The following ESR1 variants were observed in gnomAD, a reference collection of about 807,000 sequenced individuals.
ESR1 encodes the protein estrogen receptor 1.
Under a neutral mutation model 52.7 loss-of-function variants are expected in ESR1, and 12 were observed. The observed-to-expected ratio is 0.23, with a 90% CI of 0.15 to 0.37. The LOEUF is 0.37. ESR1 is among the 10% of genes least tolerant of loss of function. The pLI, the probability that ESR1 is intolerant of heterozygous loss-of-function variation, is 1.00. For missense variants in ESR1, 584 were observed against 779.7 expected, an observed-to-expected ratio of 0.75 and a Z score of 2.99; for synonymous variants, 305 against 316.8, an observed-to-expected ratio of 0.96 and a Z score of 0.39.
intron 4 of ESR1, among the ~76,000 whole-genome samples, chr6:151,949,734 C>T (rs748050573): frequency 2.3e-4 from 35 of 152,252 alleles, no homozygotes; most frequent in Non-Finnish European, 3.8e-4. Context: ...TCTGGTGAAA[C>T]GCAAGGAAAG....
intron 6 of ESR1, among the ~76,000 whole-genome samples, chr6:152,119,905 T>G (rs1384991547): frequency 1.3e-5 from 2 of 152,214 alleles, no homozygotes; most frequent in Non-Finnish European, 2.9e-5. Context: ...GTTCAATGTT[T>G]GCACTCACCA....
intron 1 of ESR1, among the ~76,000 whole-genome samples, chr6:151,681,728 T>A (rs777549016): frequency 3.3e-5 from 5 of 152,086 alleles, no homozygotes; most frequent in Admixed American, 1.3e-4. Context: ...GGCCGCCGCT[T>A]CCAAGGGATC....
At position 152,102,133 on chromosome 6, in the gene ESR1, C is replaced by T. The variant is rs1051276133; in HGVS notation, c.*3167C>T. On this transcript the variant is annotated 3_prime_UTR_variant, in exon 8 of 8. Coordinates refer to ENST00000206249, the MANE Select transcript of ESR1 (RefSeq NM_000125.4). ...GTCTTTGATTTGATTTCCCTAGTAA[C>T]CTTGCAGATATGTTTAACCAAGCCA... 3.2e-4 allele frequency: 67 copies of T among 210,684 alleles called. 1 individual carries two copies. Among genetic ancestry groups the T allele is most frequent in the Non-Finnish European group, 2.9e-5 (3 of 103,502 alleles). 13.1% of individuals were successfully genotyped at this position (210,684 alleles called of 1,614,324 possible).
intron 2 of ESR1, among the ~76,000 whole-genome samples, chr6:151,736,968 G>A (rs1463295333): frequency 2.6e-5 from 4 of 152,074 alleles, no homozygotes; most frequent in Non-Finnish European, 5.9e-5. Flanking sequence ...TCATTCAAAG[G>A]TATCTGTTAA....
intron 4 of ESR1, among the ~76,000 whole-genome samples, chr6:151,965,161 A>C (rs931165488): frequency 6.6e-6 from 1 of 152,140 alleles, no homozygotes; most frequent in Non-Finnish European, 1.5e-5. Flanking sequence ...CCCAGTTGCG[A>C]TCATGTATCA....
At chr6:151,794,295 T>C (rs1439683171) in intron 2 of ESR1, among the ~76,000 whole-genome samples, 1 of 152,218 alleles carries the variant, frequency 6.6e-6, no homozygotes, top group Non-Finnish European at 1.5e-5. Context: ...AGTAGTTGTA[T>C]TTATCGATGA....
intron 4 of ESR1, among the ~76,000 whole-genome samples, chr6:151,982,873 C>A (rs759566851): frequency 1.3e-5 from 2 of 151,924 alleles, no homozygotes; most frequent in African/African-American, 2.4e-5. Flanking sequence ...ACTTACAGTG[C>A]ATCTCAATTT....
At chr6:151,795,854 A>C (rs1412148908) in intron 2 of ESR1, among the ~76,000 whole-genome samples, 2 of 152,142 alleles carry the variant, frequency 1.3e-5, no homozygotes, top group African/African-American at 4.8e-5. Context: ...AGTCATCAAA[A>C]ATGACGAAGA....
At chr6:151,702,168 G>A (rs904341282) in intron 2 of ESR1, among the ~76,000 whole-genome samples, 1 of 152,000 alleles carries the variant, frequency 6.6e-6, no homozygotes, top group Admixed American at 6.6e-5. Flanking sequence ...CTATCTGATG[G>A]GCACTCTACA....
rs116874998 is a variant in ESR1 at position 151,790,302 on chromosome 6, G to A, written c.-70-17541G>A. 3.1e-3 allele frequency among the ~76,000 whole-genome samples: 467 copies of A among 152,228 alleles called. 6 individuals are homozygous for A. Among genetic ancestry groups the A allele is most frequent in the East Asian group, 0.029 (149 of 5,180 alleles). ...CGACGACACAGACAGCTTTTCTTGC[G>A]TGCCACCAAAGTGGTGGGCCAGAGT... On this transcript the variant is annotated intron_variant, in intron 2 of 2. Transcript: ENST00000404742.
At chr6:151,956,867 T>TATATATATATAA (rs1562594401) in intron 4 of ESR1, among the ~76,000 whole-genome samples, 2 of 86,072 alleles carry the variant, frequency 2.3e-5, no homozygotes, top group African/African-American at 6.6e-5. Flanking sequence ...TATATAAATA[T>TATATATATATAA]ATATATATAT....
intron 6 of ESR1, among the ~76,000 whole-genome samples, chr6:152,087,444 G>C (rs894753251): frequency 7.2e-5 from 11 of 152,046 alleles, no homozygotes; most frequent in Non-Finnish European, 1.3e-4. Flanking sequence ...TATAACAATA[G>C]GCTACAAAAT....
At chr6:151,866,003 G>T (rs1219102349) in intron 2 of ESR1, among the ~76,000 whole-genome samples, 1 of 152,236 alleles carries the variant, frequency 6.6e-6, no homozygotes, top group Admixed American at 6.5e-5. Context: ...GACTTGAGCT[G>T]TGTGGGTGCC....
At chr6:152,122,200 T>G in intron 6 of ESR1, 1 of 618,440 alleles carries the variant, frequency 1.6e-6, no homozygotes, top group Non-Finnish European at 2.8e-6. Flanking sequence ...GTGCTAAGGT[T>G]CAGAGTCTCA....
chr6:151,997,520 T>G (rs985413857), intron 4 of ESR1, among the ~76,000 whole-genome samples: 1 of 152,130 alleles, frequency 6.6e-6, no homozygotes, highest in Non-Finnish European at 1.5e-5. Flanking sequence ...TAGCTGTAGG[T>G]ACTTCAAATG....
chr6:151,852,759 G>GT (rs1025917894), intron 2 of ESR1, among the ~76,000 whole-genome samples: 20 of 150,486 alleles, frequency 1.3e-4, no homozygotes, highest in African/African-American at 4.7e-4. Context: ...TCCATCATGT[G>GT]TTAACATACA....
chr6:152,019,864 A>G (rs1355660817), intron 5 of ESR1, among the ~76,000 whole-genome samples: 1 of 152,102 alleles, frequency 6.6e-6, no homozygotes, highest in Non-Finnish European at 1.5e-5. Context: ...AGTTTGTGTT[A>G]GTTAGGATTC....
intron 1 of ESR1, among the ~76,000 whole-genome samples, chr6:151,698,792 G>C (rs1779558923): frequency 6.6e-6 from 1 of 152,184 alleles, no homozygotes; most frequent in African/African-American, 2.4e-5. Flanking sequence ...GTTCCATGGT[G>C]GAAATGCCTG....
intron 3 of ESR1, among the ~76,000 whole-genome samples, chr6:151,942,312 T>C (rs1562574567): frequency 6.6e-6 from 1 of 152,194 alleles, no homozygotes; most frequent in Non-Finnish European, 1.5e-5. Context: ...TCTGTTTAAC[T>C]GAAAACAAAA....
Sources: allele counts gnomAD v4.1 joint callset (sites outside exome capture counted in the v4.1 genomes callset), GRCh38; gene constraint gnomAD v4.1.1; transcripts MANE v1.5; gene names NCBI Gene and HGNC (gene_info 2026-07-23, HGNC 2026-07-21).